The following DCHS2 variants were observed in gnomAD, a reference collection of about 807,000 sequenced individuals.
DCHS2 encodes protocadherin-23.
In DCHS2, 142 loss-of-function variants were observed where a neutral mutation model predicts 182.4. The ratio of observed to expected loss-of-function variants is 0.78; its 90% CI spans 0.68 to 0.89. DCHS2 has a LOEUF of 0.89. Ranked by LOEUF, DCHS2 falls within the 40% of genes least tolerant of loss-of-function variation. DCHS2 has a pLI of 0.00. For missense variants in DCHS2, 4,319 were observed against 4,198.6 expected (o/e 1.03, Z -0.79); for synonymous variants, 1,740 against 1,663.3 (o/e 1.05, Z -1.12).
In DCHS2 at chr4:154,341,090, C is replaced by T. The variant is rs192656664; in HGVS notation, c.2477-5986G>A. ...AATAATTTGAAAAAACGTTTTCGCCCGGGCGCGGTGGCTCACGCTTGTAAT... is the reference window on the plus strand; with the variant it reads ...AATAATTTGAAAAAACGTTTTCGCCTGGGCGCGGTGGCTCACGCTTGTAAT... On this transcript the variant is annotated intron_variant, in intron 3 of 19. Coordinates refer to ENST00000357232, the MANE Select transcript of DCHS2 (RefSeq NM_001358235.2). 4.5e-3 allele frequency among the ~76,000 whole-genome samples: 681 copies of T among 152,146 alleles called. 5 individuals are homozygous for T. Among genetic ancestry groups the T allele is most frequent in the African/African-American group, 0.016 (660 of 41,518 alleles).
Position 154,343,077 on chromosome 4 carries a change from TGAG to T in DCHS2, c.2477-7976_2477-7974del, listed in dbSNP as rs137905155. Among the ~76,000 whole-genome samples, 705 of 152,288 alleles carry T rather than the reference TGAG, an allele frequency of 4.6e-3. 8 individuals are homozygous for T. Among genetic ancestry groups the T allele is most frequent in the African/African-American group, 0.016 (671 of 41,558 alleles). ...CTTAGGTAGCCATGTGCATTGTCAG[TGAG>T]CAGTAATGATTTGAAAGAATTTTTT... On this transcript the variant is annotated intron_variant, in intron 3 of 19. Coordinates refer to ENST00000357232, the MANE Select transcript of DCHS2 (RefSeq NM_001358235.2).
intron 3 of DCHS2, among the ~76,000 whole-genome samples, chr4:154,347,519 C>T (rs1469802276): frequency 6.6e-6 from 1 of 151,624 alleles, no homozygotes; most frequent in Non-Finnish European, 1.5e-5. Flanking sequence ...GATAAAATTA[C>T]ATCGTATATA....
At chr4:154,287,274 C>G (rs1013940317) in intron 13 of DCHS2, among the ~76,000 whole-genome samples, 2 of 152,100 alleles carry the variant, frequency 1.3e-5, no homozygotes, top group Non-Finnish European at 2.9e-5. Flanking sequence ...AGGTACAAAA[C>G]TCACTGGTAA....
Position 154,332,880 on chromosome 4 carries a change from G to GGT in DCHS2, c.3326_3327dup (p.Pro1110ThrfsTer20). The GGT allele has an allele frequency of 1.2e-6, 2 of 1,614,224 alleles. No individual in the cohort carries two copies. The highest frequency in any genetic ancestry group is 1.7e-6 in the Non-Finnish European group (2 of 1,180,038). ...GAGGCTGCACGCTGGGGGCCAAGTG[G>GGT]GTGCGCCTGTGTTTGCAGCATTTGT... On this transcript the variant is annotated frameshift_variant, in exon 5 of 20. Transcript: ENST00000357232. LOFTEE classifies it high-confidence loss of function.
At position 154,332,771 on chromosome 4, in the gene DCHS2, C is replaced by T. The variant is rs780066811; in HGVS notation, c.3437G>A (p.Arg1146Gln). ...RPYTGWIYLR[R>Q]QFDYESTQTY... ...TTGGGTGGATTCATAGTCAAACTGT[C>T]GCCGCAAATAAATCCAGCCCGTGTA... The change falls in exon 5 of 20, where the codon CGA becomes CAA. Residue 1146 changes from arginine to glutamine, a missense_variant. Transcript: ENST00000357232. The T allele has an allele frequency of 1.6e-5, 26 of 1,614,186 alleles. No homozygotes were observed. The highest frequency in any genetic ancestry group is 2.2e-5 in the Non-Finnish European group (26 of 1,180,038).
intron 1 of DCHS2, among the ~76,000 whole-genome samples, chr4:154,415,834 T>C (rs887493238): frequency 6.6e-6 from 1 of 152,318 alleles, no homozygotes; most frequent in Non-Finnish European, 1.5e-5. Context: ...TCCAAGGGAA[T>C]TGATGGACAG....
At chr4:154,404,093 C>T (rs6849639) in intron 1 of DCHS2, among the ~76,000 whole-genome samples, 2,080 of 151,958 alleles carry the variant, frequency 0.014, 37 homozygotes, top group African/African-American at 0.045. Flanking sequence ...CTTTGTAATT[C>T]TTTGCTTCTA....
At chr4:154,355,047 T>G (rs1304089503) in intron 3 of DCHS2, among the ~76,000 whole-genome samples, 1 of 152,116 alleles carries the variant, frequency 6.6e-6, no homozygotes, top group Non-Finnish European at 1.5e-5. Flanking sequence ...ATACTGATAT[T>G]AGAGGTGCTT....
chr4:154,423,353 G>A (rs1023246425), intron 1 of DCHS2, among the ~76,000 whole-genome samples: 4 of 152,148 alleles, frequency 2.6e-5, no homozygotes, highest in South Asian at 2.1e-4. Context: ...TGTTTTCAAT[G>A]TTTATCCATT....
Position 154,384,843 on chromosome 4 carries a change from G to C in DCHS2, c.2053-7399C>G, listed in dbSNP as rs530419591. Among the ~76,000 whole-genome samples the C allele has an allele frequency of 1.5e-4, 23 of 152,218 alleles. No individual in the cohort carries two copies. In the South Asian group the frequency reaches 4.8e-3, roughly 32 times the overall value. On this transcript the variant is annotated intron_variant, in intron 1 of 19. Transcript: ENST00000357232. ...CCCCAGAAGGAGCACAGCCCTGCTG[G>C]ATTGCAGACTTCTAGTCTCCAGAAC...
At chr4:154,323,419 T>C (rs544041982) in intron 7 of DCHS2, 2 of 1,509,770 alleles carry the variant, frequency 1.3e-6, no homozygotes, top group African/African-American at 1.4e-5. Flanking sequence ...AGCCTGGAGT[T>C]CAGGGTCGCA....
intron 16 of DCHS2, among the ~76,000 whole-genome samples, chr4:154,252,693 G>A (rs1053948179): frequency 7.3e-5 from 11 of 151,000 alleles, no homozygotes; most frequent in African/African-American, 2.2e-4. Flanking sequence ...ATACTCCATT[G>A]TGTATATGTA....
chr4:154,461,012 GAGAAGC>G (rs1734989211), intron 1 of DCHS2, among the ~76,000 whole-genome samples: 1 of 152,046 alleles, frequency 6.6e-6, no homozygotes, highest in Non-Finnish European at 1.5e-5. Flanking sequence ...TGTTTAAAAG[GAGAAGC>G]AATCCAGTGA....
chr4:154,490,312 C>G lies in DCHS2; in HGVS notation c.1044G>C (p.Gly348=). Residue 348 remains glycine (G), a synonymous_variant, in exon 1 of 20, where the codon GGG becomes GGC. Coordinates refer to ENST00000357232, the MANE Select transcript of DCHS2 (RefSeq NM_001358235.2). The part of the protein sequence containing the change: ...RQVPGAGSGG[G]ALGDAAYFAV... ...CGAAGTAGGCCGCGTCGCCCAGTGCCCCGCCGCCGCTACCCGCCCCAGGCA... is the reference window on the plus strand; with the variant it reads ...CGAAGTAGGCCGCGTCGCCCAGTGCGCCGCCGCCGCTACCCGCCCCAGGCA... 1.3e-6 allele frequency: 2 copies of G among 1,545,594 alleles called. No individual in the cohort carries two copies. The highest frequency in any genetic ancestry group is 1.7e-6 in the Non-Finnish European group (2 of 1,146,408).
intron 7 of DCHS2, chr4:154,322,791 C>T (rs993168344): frequency 1.1e-4 from 30 of 268,130 alleles, no homozygotes; most frequent in African/African-American, 5.5e-4. Flanking sequence ...GTATATACTT[C>T]GCTTCTCCCA....
intron 18 of DCHS2, among the ~76,000 whole-genome samples, chr4:154,240,314 A>AG (rs1020554928): frequency 4.3e-4 from 65 of 151,904 alleles, no homozygotes; most frequent in Non-Finnish European, 7.1e-4. Flanking sequence ...AACTAAAAAA[A>AG]AAAAAAAATA....
intron 1 of DCHS2, among the ~76,000 whole-genome samples, chr4:154,379,934 G>GTA (rs1335026875): frequency 6.6e-6 from 1 of 152,088 alleles, no homozygotes; most frequent in African/African-American, 2.4e-5. Flanking sequence ...AAGACATTTA[G>GTA]TATGTCTAGA....
chr4:154,253,722 T>C (rs1164036991), intron 16 of DCHS2, among the ~76,000 whole-genome samples: 1 of 152,190 alleles, frequency 6.6e-6, no homozygotes, highest in African/African-American at 2.4e-5. Flanking sequence ...TAAAATACTT[T>C]TGAAGTATAT....
At chr4:154,271,485 C>A (rs1733588758) in intron 13 of DCHS2, among the ~76,000 whole-genome samples, 1 of 152,072 alleles carries the variant, frequency 6.6e-6, no homozygotes, top group Admixed American at 6.6e-5. Flanking sequence ...TGAAGAAATG[C>A]AAAGTTCTTG....
Sources: gnomAD v4.1 joint callset for allele counts (sites outside exome capture counted in the v4.1 genomes callset) on GRCh38, gnomAD v4.1.1 for gene constraint, MANE v1.5 for transcripts, NCBI Gene and HGNC (gene_info 2026-07-23, HGNC 2026-07-21) for gene names.